The following SLC14A2 variants were observed in gnomAD, a reference collection of about 807,000 sequenced individuals.
The protein encoded by SLC14A2 is solute carrier family 14 member 2, also known as urea transporter 2.
SLC14A2 carries 91 observed loss-of-function variants against 104.6 expected under a neutral mutation model. The observed-to-expected ratio is 0.87, with a 90% CI of 0.73 to 1.04. The LOEUF (loss-of-function observed/expected upper bound fraction) is 1.04. SLC14A2 is among the 50% of genes least tolerant of loss of function. The probability of loss-of-function intolerance (pLI) is 0.00; values close to 1 mark genes in which losing one functional copy is unlikely to be tolerated. For synonymous variants in SLC14A2, 476 were observed against 466.4 expected, an observed-to-expected ratio of 1.02 and a Z score of -0.27; for missense variants, 1,189 against 1,156.0, an observed-to-expected ratio of 1.03 and a Z score of -0.41.
chr18:45,535,923 A>G (rs761610049), intron 2 of SLC14A2, among the ~76,000 whole-genome samples: 1 of 152,208 alleles, frequency 6.6e-6, no homozygotes, highest in Non-Finnish European at 1.5e-5. Context: ...ACATTTAATC[A>G]AAGGAACAAC....
chr18:45,443,227 G>A (rs1007330009), intron 1 of SLC14A2, among the ~76,000 whole-genome samples: 5 of 152,182 alleles, frequency 3.3e-5, no homozygotes, highest in African/African-American at 1.2e-4. Flanking sequence ...AGGAGAAGAG[G>A]CATATAAATG....
intron 2 of SLC14A2, among the ~76,000 whole-genome samples, chr18:45,601,927 G>A (rs1005995951): frequency 7.2e-5 from 11 of 152,234 alleles, no homozygotes; most frequent in Admixed American, 6.5e-5. Flanking sequence ...CTGGCTGAAA[G>A]ATGTGAATGG....
intron 18 of SLC14A2, among the ~76,000 whole-genome samples, chr18:45,674,521 C>T (rs145956194): frequency 3.4e-4 from 51 of 151,918 alleles, no homozygotes; most frequent in East Asian, 2.3e-3. Context: ...AAACAAGATA[C>T]GAAGGGTAAA....
At chr18:45,508,048 A>G (rs1294041514) in intron 2 of SLC14A2, among the ~76,000 whole-genome samples, 2 of 152,256 alleles carry the variant, frequency 1.3e-5, no homozygotes, top group Non-Finnish European at 2.9e-5. Context: ...TCTCAAAGGT[A>G]AGAAAGACTG....
chr18:45,575,556 C>T (rs1366667508), intron 2 of SLC14A2, among the ~76,000 whole-genome samples: 1 of 152,176 alleles, frequency 6.6e-6, no homozygotes, highest in African/African-American at 2.4e-5. Context: ...CCTTTTCAAT[C>T]CCCACGTGAG....
the SLC14A2 span, among the ~76,000 whole-genome samples, chr18:45,187,086 G>C: frequency 6.6e-6 from 1 of 152,108 alleles, no homozygotes; most frequent in Admixed American, 6.6e-5. Context: ...CTTTTAAAAA[G>C]CATGAATTAC....
chr18:45,173,674 G>T, the SLC14A2 span, among the ~76,000 whole-genome samples: 2 of 152,030 alleles, frequency 1.3e-5, no homozygotes, highest in Non-Finnish European at 2.9e-5. Flanking sequence ...AGCATGCATG[G>T]ATAATCACAA....
At chr18:45,183,843 A>T in the SLC14A2 span, among the ~76,000 whole-genome samples, 4 of 115,020 alleles carry the variant, frequency 3.5e-5, no homozygotes, top group African/African-American at 6.9e-5. Context: ...CAAGCTATCC[A>T]CCTCTCAGCC....
the SLC14A2 span, among the ~76,000 whole-genome samples, chr18:45,197,287 T>G: frequency 1.3e-5 from 2 of 152,300 alleles, no homozygotes; most frequent in Admixed American, 1.3e-4. Flanking sequence ...CAAAAACCTG[T>G]GGTATGCAAC....
intron 1 of SLC14A2, among the ~76,000 whole-genome samples, chr18:45,284,934 TCAG>T (rs1032681824): frequency 2.6e-5 from 4 of 152,154 alleles, no homozygotes; most frequent in Non-Finnish European, 4.4e-5. Flanking sequence ...CATGGCCTGT[TCAG>T]AAGAGAGGGA....
At chr18:45,168,837 G>A in the SLC14A2 span, 2 of 151,864 alleles carry the variant, frequency 1.3e-5, no homozygotes, top group African/African-American at 2.4e-5. Flanking sequence ...GAAAAAAAAG[G>A]GTTTTCATTA....
the SLC14A2 span, among the ~76,000 whole-genome samples, chr18:45,197,152 C>A: frequency 6.6e-6 from 1 of 152,208 alleles, no homozygotes; most frequent in Non-Finnish European, 1.5e-5. Flanking sequence ...GCCTATTGTG[C>A]ATTCCAACTA....
At chr18:45,607,436 A>G (rs2044890656) in intron 2 of SLC14A2, among the ~76,000 whole-genome samples, 1 of 152,170 alleles carries the variant, frequency 6.6e-6, no homozygotes, top group East Asian at 1.9e-4. Context: ...ATAAGATAAC[A>G]TAGGTACCAG....
At chr18:45,660,233 T>TA (rs2045916717) in intron 10 of SLC14A2, among the ~76,000 whole-genome samples, 1 of 152,000 alleles carries the variant, frequency 6.6e-6, no homozygotes. Context: ...CCAAGCAAGG[T>TA]AAAATGGCAT....
chr18:45,666,285 G>A, intron 12 of SLC14A2, 66 bp downstream of exon 12: 1 of 1,039,536 alleles, frequency 9.6e-7, no homozygotes, highest in Non-Finnish European at 1.5e-6. Context: ...GCAGATGAGG[G>A]AGCTGAGAGC....
At chr18:45,668,057 C>A in intron 14 of SLC14A2, 35 bp downstream of exon 14, 12 of 1,592,076 alleles carry the variant, frequency 7.5e-6, no homozygotes, top group Non-Finnish European at 1.0e-5. Context: ...AAACATGTAG[C>A]CAAGAAGTCA....
intron 1 of SLC14A2, among the ~76,000 whole-genome samples, chr18:45,470,090 T>C (rs2087219370): frequency 6.6e-6 from 1 of 152,246 alleles, no homozygotes; most frequent in South Asian, 2.1e-4. Context: ...TCCTGCCTTT[T>C]GTTTTTATAT....
At chr18:45,562,127 C>T (rs748544458) in intron 2 of SLC14A2, among the ~76,000 whole-genome samples, 12 of 152,192 alleles carry the variant, frequency 7.9e-5, no homozygotes, top group Non-Finnish European at 1.6e-4. Flanking sequence ...TAGTACACCT[C>T]CATCGGGTGC....
rs568241326 is a variant in SLC14A2 at position 45,572,040 on chromosome 18, AT to A, written c.-34-52584del. 2.3e-3 allele frequency among the ~76,000 whole-genome samples: 344 copies of A among 152,204 alleles called. 1 individual carries two copies. The highest frequency in any genetic ancestry group is 3.5e-4 in the Non-Finnish European group (24 of 68,002). On this transcript the variant is annotated intron_variant, in intron 2 of 20. Coordinates refer to the SLC14A2 transcript ENST00000586448. ...TCTCTGGGGTAGAGTCCAGATATGG[AT>A]TTTTTTAAAGCTCCCCAGTGATTCT... is the stretch of plus-strand genomic sequence containing the variant.
Sources: allele counts gnomAD v4.1 joint callset (sites outside exome capture counted in the v4.1 genomes callset), GRCh38; gene constraint gnomAD v4.1.1; transcripts MANE v1.5; gene names NCBI Gene and HGNC (gene_info 2026-07-23, HGNC 2026-07-21).